The following FBP2 variants were observed in gnomAD, a reference collection of about 807,000 sequenced individuals.
FBP2 encodes fructose-1,6-bisphosphatase isozyme 2.
FBP2 carries 27 observed loss-of-function variants against 31.6 expected under a neutral mutation model. That is an observed-to-expected ratio of 0.85 (90% CI 0.63 to 1.18). The LOEUF (loss-of-function observed/expected upper bound fraction) is 1.18. Ranked by LOEUF, FBP2 falls within the 50% of genes most tolerant of loss-of-function variation. FBP2 has a pLI of 0.00. For missense variants in FBP2, 421 were observed against 436.1 expected (o/e 0.97, Z 0.31); for synonymous variants, 168 against 179.8 (o/e 0.93, Z 0.53).
chr9:94,575,305 A>T (rs1827305666), intron 3 of FBP2, among the ~76,000 whole-genome samples: 1 of 152,138 alleles, frequency 6.6e-6, no homozygotes, highest in Non-Finnish European at 1.5e-5. Context: ...CCTCCTGCCA[A>T]AGGTAACCTC....
intron 3 of FBP2, among the ~76,000 whole-genome samples, chr9:94,583,990 C>T (rs1827399011): frequency 6.6e-6 from 1 of 152,204 alleles, no homozygotes. Flanking sequence ...TCTAGTCCTG[C>T]TGGATGTCAC....
rs559659069 is a variant in FBP2, at chr9:94,571,401, C to G, written c.567+61G>C. On this transcript the variant is annotated intron_variant, in intron 4 of 6. Coordinates refer to ENST00000375337, the MANE Select transcript of FBP2 (RefSeq NM_003837.4). ...CCAGGACATTATCGCAGAGAACTGGCATTAAGGCACAGAGGCCCATGGAGT... is the reference window on the plus strand; with the variant it reads ...CCAGGACATTATCGCAGAGAACTGGGATTAAGGCACAGAGGCCCATGGAGT... 3.0e-5 allele frequency: 44 copies of G among 1,469,918 alleles called. No individual in the cohort carries two copies. In the South Asian group the frequency reaches 4.6e-4, roughly 15 times the overall value. The allele number at this position is 1,469,918 out of a possible 1,614,324, so 91.1% of individuals were successfully genotyped here.
At chr9:94,582,851 T>C (rs796215239) in intron 3 of FBP2, among the ~76,000 whole-genome samples, 120 of 91,686 alleles carry the variant, frequency 1.3e-3, no homozygotes, top group East Asian at 3.5e-3. Context: ...CCCAGCCCCC[T>C]TTTTTTTTTT....
chr9:94,568,985 G>C (rs597003), intron 4 of FBP2: 73,761 of 151,858 alleles, frequency 0.49, 18,504 homozygotes, highest in African/African-American at 0.6. Context: ...TGCAGTGCCT[G>C]CTAAATCTAA....
chr9:94,563,916 G>T (rs1279178399), intron 5 of FBP2, among the ~76,000 whole-genome samples: 1 of 152,074 alleles, frequency 6.6e-6, no homozygotes, highest in Non-Finnish European at 1.5e-5. Flanking sequence ...ATGGTAAAGG[G>T]CTCAATTCAA....
At chr9:94,587,495 G>C in intron 1 of FBP2, 26 bp from the exon 2 acceptor site, 1 of 1,612,574 alleles carries the variant, frequency 6.2e-7, no homozygotes, top group Non-Finnish European at 8.5e-7. Context: ...GCTGAATGAG[G>C]AAGTCACTAG....
chr9:94,589,466 C>T (rs1827466740), intron 1 of FBP2, among the ~76,000 whole-genome samples: 1 of 152,228 alleles, frequency 6.6e-6, no homozygotes, highest in South Asian at 2.1e-4. Flanking sequence ...GCTGCATGAC[C>T]TGCTTGCAGA....
In FBP2 at chr9:94,587,297, C is replaced by T; in HGVS notation, c.333+10G>A. The T allele has an allele frequency of 6.2e-7, 1 of 1,606,524 alleles. No homozygotes were observed. The highest frequency in any genetic ancestry group is 8.5e-7 in the Non-Finnish European group (1 of 1,177,696). ...TACTGGCGAGCGGGCACCGCAGCCCCATGACGCACCCGCTTCTCCTTGGCG... is the reference window on the plus strand; with the variant it reads ...TACTGGCGAGCGGGCACCGCAGCCCTATGACGCACCCGCTTCTCCTTGGCG... On this transcript the variant is annotated intron_variant, in intron 2 of 6. Transcript: ENST00000375337.
intron 3 of FBP2, among the ~76,000 whole-genome samples, chr9:94,579,567 G>A (rs552374688): frequency 6.6e-6 from 1 of 152,282 alleles, no homozygotes; most frequent in East Asian, 1.9e-4. Context: ...AATTTTGCAT[G>A]TGATTAAGTT....
At chr9:94,576,025 G>A (rs890298672) in intron 3 of FBP2, among the ~76,000 whole-genome samples, 1 of 152,092 alleles carries the variant, frequency 6.6e-6, no homozygotes, top group Non-Finnish European at 1.5e-5. Context: ...TATCTATTAT[G>A]TGCCTTCTTA....
chr9:94,563,305 T>A lies in FBP2; in HGVS notation c.825+37A>T, dbSNP rs751054030. The A allele has an allele frequency of 5.0e-6, 8 of 1,608,228 alleles. No homozygotes were observed. In the Admixed American group the frequency reaches 1.3e-4, roughly 27 times the overall value. On this transcript the variant is annotated intron_variant, in intron 6 of 6. Coordinates refer to ENST00000375337, the MANE Select transcript of FBP2 (RefSeq NM_003837.4). The stretch of plus-strand genomic sequence containing the variant: ...ACGGGAGGGAGCTCCCCCACCTCCC[T>A]GACCGGATGCACAGCCAGTGGACAA...
intron 5 of FBP2, among the ~76,000 whole-genome samples, chr9:94,566,194 A>T (rs1421058359): frequency 6.6e-6 from 1 of 152,234 alleles, no homozygotes; most frequent in African/African-American, 2.4e-5. Flanking sequence ...CACTGTTGGG[A>T]ACAGGCCCCC....
chr9:94,571,389 G>A (rs1321989916), intron 4 of FBP2, 73 bp downstream of exon 4: 4 of 1,405,160 alleles, frequency 2.8e-6, no homozygotes, highest in Non-Finnish European at 2.9e-6. Flanking sequence ...GGACATTATC[G>A]CAGAGAACTG....
intron 2 of FBP2, 99 bp from the exon 3 acceptor site, chr9:94,584,768 AAG>A (rs1340007400): frequency 8.2e-6 from 6 of 733,902 alleles, no homozygotes; most frequent in Non-Finnish European, 1.5e-5. Context: ...CCACATCAAA[AAG>A]AGATTGAGAA....
At chr9:94,562,130 T>A (rs1222991107) in intron 6 of FBP2, among the ~76,000 whole-genome samples, 1 of 151,656 alleles carries the variant, frequency 6.6e-6, no homozygotes, top group East Asian at 2.0e-4. Context: ...GCTAACATGG[T>A]GAAACCCCGT....
chr9:94,572,670 C>T (rs1827281735), intron 3 of FBP2, among the ~76,000 whole-genome samples: 1 of 152,106 alleles, frequency 6.6e-6, no homozygotes, highest in Non-Finnish European at 1.5e-5. Context: ...TCACCTAGCA[C>T]AATCCAGTCC....
At position 94,563,478 on chromosome 9, in the gene FBP2, G is replaced by C; in HGVS notation, c.706-17C>G. On this transcript the variant is annotated splice_polypyrimidine_tract_variant and intron_variant, in intron 5 of 6. Transcript: ENST00000375337. ...ACTGCCATCCTAGAAGACAGAAAGC[G>C]AAGAGACAAGATCCAGTGGCTTTCA... The C allele has an allele frequency of 6.2e-7, 1 of 1,610,796 alleles. No homozygotes were observed. The highest frequency in any genetic ancestry group is 1.1e-5 in the South Asian group (1 of 90,786).
Position 94,587,340 on chromosome 9 carries a change from A to T in FBP2, c.300T>A (p.Asn100Lys). 1 of 1,613,560 alleles carries T rather than the reference A, an allele frequency of 6.2e-7. No individual in the cohort carries two copies. The highest frequency in any genetic ancestry group is 8.5e-7 in the Non-Finnish European group (1 of 1,179,872). The change falls in exon 2 of 7, where the codon AAT (asparagine) becomes AAA (lysine). Residue 100 changes from asparagine (N) to lysine (K), a missense_variant. By Grantham distance (94) the Asn-to-Lys change is moderately conservative (BLOSUM62 0). Coordinates refer to ENST00000375337, the MANE Select transcript of FBP2 (RefSeq NM_003837.4). ...YSTCVLVSEE[N>K]KDAIITAKEK... The stretch of plus-strand genomic sequence containing the variant: ...CCTTGGCGGTGATGATGGCGTCCTT[A>T]TTCTCTTCTGAGACCAGGACGCAGG...
intron 3 of FBP2, among the ~76,000 whole-genome samples, chr9:94,583,759 T>C (rs1168413073): frequency 6.6e-6 from 1 of 152,140 alleles, no homozygotes; most frequent in Non-Finnish European, 1.5e-5. Flanking sequence ...ACCATCACCC[T>C]GGCTAATTTT....
Sources: gnomAD v4.1 joint callset for allele counts (sites outside exome capture counted in the v4.1 genomes callset) on GRCh38, gnomAD v4.1.1 for gene constraint, MANE v1.5 for transcripts, NCBI Gene and HGNC (gene_info 2026-07-23, HGNC 2026-07-21) for gene names.